NLGN1: variants seen among roughly 807,000 people sequenced by gnomAD.
NLGN1 encodes the protein neuroligin-1.
NLGN1 carries 12 observed loss-of-function variants against 65.5 expected under a neutral mutation model. That is an observed-to-expected ratio of 0.18 (90% CI 0.12 to 0.30). The LOEUF (loss-of-function observed/expected upper bound fraction) is 0.30. Among genes scored for constraint, NLGN1 ranks in the 10% least tolerant of loss-of-function variants. NLGN1 has a pLI of 1.00. For missense variants in NLGN1, 750 were observed against 1,007.1 expected (o/e 0.74, Z 3.46); for synonymous variants, 350 against 359.5 (o/e 0.97, Z 0.30).
intron 4 of NLGN1, among the ~76,000 whole-genome samples, chr3:174,008,276 T>C (rs1308879485): frequency 6.6e-6 from 1 of 152,054 alleles, no homozygotes. Context: ...TCACTACTGC[T>C]CACATCCCAC....
intron 4 of NLGN1, among the ~76,000 whole-genome samples, chr3:173,927,840 G>A (rs1220960031): frequency 1.3e-5 from 2 of 152,074 alleles, no homozygotes; most frequent in Non-Finnish European, 2.9e-5. Context: ...TTCTGAACCC[G>A]AGAGCAGCTG....
intron 3 of NLGN1, among the ~76,000 whole-genome samples, chr3:173,792,697 A>G (rs1411440994): frequency 6.6e-6 from 1 of 152,158 alleles, no homozygotes; most frequent in African/African-American, 2.4e-5. Flanking sequence ...AGATAGTAAG[A>G]GGGTCTTATG....
At chr3:173,950,903 G>C (rs1035505401) in intron 4 of NLGN1, among the ~76,000 whole-genome samples, 4 of 151,958 alleles carry the variant, frequency 2.6e-5, no homozygotes, top group African/African-American at 9.7e-5. Flanking sequence ...CTCTTGCTCT[G>C]TTGCCCAGGC....
intron 4 of NLGN1, among the ~76,000 whole-genome samples, chr3:173,994,491 AAGAG>A (rs1553910109): frequency 1.4e-3 from 115 of 81,240 alleles, no homozygotes; most frequent in Non-Finnish European, 1.3e-3. Context: ...AAAAAAAAAA[AAGAG>A]AGAGAGAGAG....
chr3:173,710,946 A>G (rs1400407976), intron 3 of NLGN1, among the ~76,000 whole-genome samples: 1 of 152,184 alleles, frequency 6.6e-6, no homozygotes, highest in African/African-American at 2.4e-5. Context: ...GCATTATTCC[A>G]GTGAAACTAA....
chr3:173,511,993 C>T (rs990850487), intron 2 of NLGN1, among the ~76,000 whole-genome samples: 1 of 152,130 alleles, frequency 6.6e-6, no homozygotes, highest in Non-Finnish European at 1.5e-5. Context: ...CCCACTCAAC[C>T]CCTCATGGGT....
At chr3:173,705,056 T>C (rs1485151531) in intron 3 of NLGN1, among the ~76,000 whole-genome samples, 1 of 152,192 alleles carries the variant, frequency 6.6e-6, no homozygotes. Flanking sequence ...CATTCAGATC[T>C]ACAATGTCAA....
intron 4 of NLGN1, among the ~76,000 whole-genome samples, chr3:173,893,997 C>T (rs1735868036): frequency 6.6e-6 from 1 of 152,144 alleles, no homozygotes; most frequent in Admixed American, 6.6e-5. Context: ...GCCAGTTTGT[C>T]CAACTTTCAC....
chr3:174,067,672 T>G (rs1291669098), intron 4 of NLGN1, among the ~76,000 whole-genome samples: 1 of 152,156 alleles, frequency 6.6e-6, no homozygotes. Context: ...TTCACAAATC[T>G]GTGCAGATCA....
intron 4 of NLGN1, among the ~76,000 whole-genome samples, chr3:173,811,696 A>T (rs1717984874): frequency 6.6e-6 from 1 of 152,032 alleles, no homozygotes; most frequent in Admixed American, 6.5e-5. Flanking sequence ...ACATGTTCTT[A>T]TGGACAAGAA....
chr3:173,505,068 C>T (rs1159264107), intron 2 of NLGN1, among the ~76,000 whole-genome samples: 4 of 151,940 alleles, frequency 2.6e-5, no homozygotes, highest in Non-Finnish European at 5.9e-5. Flanking sequence ...CCGCCACACA[C>T]ACATGGACTC....
At chr3:173,786,549 A>G (rs1249122937) in intron 3 of NLGN1, among the ~76,000 whole-genome samples, 1 of 146,944 alleles carries the variant, frequency 6.8e-6, no homozygotes. Flanking sequence ...ATATGTGTGT[A>G]ATACACACAC....
At chr3:173,968,147 G>C (rs1715294185) in intron 4 of NLGN1, among the ~76,000 whole-genome samples, 1 of 152,028 alleles carries the variant, frequency 6.6e-6, no homozygotes, top group African/African-American at 2.4e-5. Flanking sequence ...TACAATCCTT[G>C]AAAACATCGT....
intron 4 of NLGN1, among the ~76,000 whole-genome samples, chr3:174,264,170 G>A (rs1465438959): frequency 6.8e-6 from 1 of 147,630 alleles, no homozygotes; most frequent in African/African-American, 2.5e-5. Flanking sequence ...TCTTGGAGTT[G>A]CTCTTCTCGA....
At chr3:174,076,724 AGTGTGTGTGTGT>A (rs143103332) in intron 4 of NLGN1, among the ~76,000 whole-genome samples, 4 of 82,044 alleles carry the variant, frequency 4.9e-5, no homozygotes, top group African/African-American at 1.6e-4. Context: ...AGAGAGAGAG[AGTGTGTGTGTGT>A]GTGTGTGTGT....
Position 174,280,696 on chromosome 3 carries a change from A to AC in NLGN1, c.1865_1866insC (p.Thr623TyrfsTer6). On this transcript the variant is annotated frameshift_variant, in exon 7 of 7. Transcript: ENST00000457714. LOFTEE classifies it high-confidence loss of function. This position sits in a 1 kb window ranked among gnomAD's most constrained non-coding sequence, Gnocchi z 4.9. Reference sequence around the variant, plus strand: ...CATAATCTCAATGACATTTCTCAGTATACCTCTACAACAACTAAAGTGCCA... The same window carrying AC: ...CATAATCTCAATGACATTTCTCAGTACTACCTCTACAACAACTAAAGTGCCA... 1 of 1,613,354 alleles carries AC rather than the reference A, an allele frequency of 6.2e-7. No homozygotes were observed. The highest frequency in any genetic ancestry group is 8.5e-7 in the Non-Finnish European group (1 of 1,179,564).
intron 4 of NLGN1, among the ~76,000 whole-genome samples, chr3:174,269,420 A>G (rs1390847905): frequency 6.6e-6 from 1 of 152,002 alleles, no homozygotes; most frequent in Non-Finnish European, 1.5e-5. Flanking sequence ...TCATATGAGT[A>G]GAATCCTACA....
At chr3:174,038,233 C>G (rs775910831) in intron 4 of NLGN1, among the ~76,000 whole-genome samples, 1 of 152,020 alleles carries the variant, frequency 6.6e-6, no homozygotes, top group Non-Finnish European at 1.5e-5. Flanking sequence ...CTTTACTGCC[C>G]CACTGAATCG....
chr3:173,504,582 T>A (rs1468684591), intron 2 of NLGN1, among the ~76,000 whole-genome samples: 1 of 152,108 alleles, frequency 6.6e-6, no homozygotes, highest in Non-Finnish European at 1.5e-5. Flanking sequence ...ACTTGTCTAC[T>A]GCATTCACAG....
Sources: allele counts gnomAD v4.1 joint callset (sites outside exome capture counted in the v4.1 genomes callset), GRCh38; gene constraint gnomAD v4.1.1; non-coding constraint Gnocchi (gnomAD v3.1); transcripts MANE v1.5; gene names NCBI Gene and HGNC (gene_info 2026-07-23, HGNC 2026-07-21).